MSRB3: variants seen among roughly 807,000 people sequenced by gnomAD.
The protein encoded by MSRB3 is methionine sulfoxide reductase B3.
MSRB3 carries 13 observed loss-of-function variants against 21.0 expected under a neutral mutation model. The observed-to-expected ratio is 0.62, with a 90% CI of 0.40 to 0.98. The LOEUF (loss-of-function observed/expected upper bound fraction) is 0.98, where lower values mean the gene tolerates loss of function less well. MSRB3 is among the 50% of genes least tolerant of loss of function. MSRB3 has a pLI of 0.00. For synonymous variants in MSRB3, 87 were observed against 88.6 expected (o/e 0.98, Z 0.10); for missense variants, 199 against 230.3 (o/e 0.86, Z 0.88).
At chr12:65,453,653 T>C in intron 5 of MSRB3, 75 bp from the exon 6 acceptor site, 1 of 1,089,088 alleles carries the variant, frequency 9.2e-7, no homozygotes. Flanking sequence ...GCTTAGTATT[T>C]CTTTAAAATG....
chr12:65,392,657 T>C (rs998241184), intron 5 of MSRB3, among the ~76,000 whole-genome samples: 3 of 152,230 alleles, frequency 2.0e-5, no homozygotes, highest in Non-Finnish European at 2.9e-5. Flanking sequence ...ACTCACTTTC[T>C]AAGATCCAGA....
intron 4 of MSRB3, among the ~76,000 whole-genome samples, chr12:65,354,985 G>A (rs1056360088): frequency 1.3e-5 from 2 of 151,778 alleles, no homozygotes; most frequent in African/African-American, 2.4e-5. Flanking sequence ...AATAGGAGGG[G>A]AAGTAGATTC....
At position 65,441,924 on chromosome 12, in the gene MSRB3, C is replaced by A. The variant is rs535205633; in HGVS notation, c.293-11804C>A. ...GGCAAAACACCATTTGTCATATAAA[C>A]AATTCTAAGTAATTATTTTGTCCTA... On this transcript the variant is annotated intron_variant, in intron 5 of 6. Coordinates refer to ENST00000308259, the MANE Select transcript of MSRB3 (RefSeq NM_001031679.3). 7.2e-5 allele frequency among the ~76,000 whole-genome samples: 11 copies of A among 152,112 alleles called. No homozygotes were observed. The South Asian group carries it at 2.3e-3, about 32-fold the overall frequency.
At chr12:65,331,902 C>T (rs1455435611) in intron 4 of MSRB3, among the ~76,000 whole-genome samples, 1 of 152,200 alleles carries the variant, frequency 6.6e-6, no homozygotes, top group African/African-American at 2.4e-5. Flanking sequence ...ACTGCATGGG[C>T]TGTGGGATCT....
In MSRB3 at chr12:65,278,717, G is replaced by GGGGA. The variant is rs1565810725; in HGVS notation, c.-190_-187dup. ...GCCGCCCCGTCCGTCGCCCGGAGCC[G>GGGGA]GGGAGGGAGGGAGCGAGGTTCGGAC... On this transcript the variant is annotated 5_prime_UTR_variant, in exon 1 of 7. The change abolishes the stop of an existing upstream ORF in the 5' untranslated region. Coordinates refer to ENST00000308259, the MANE Select transcript of MSRB3 (RefSeq NM_001031679.3). 6.7e-7 allele frequency: 1 copy of GGGGA among 1,499,852 alleles called. No homozygotes were observed. The highest frequency in any genetic ancestry group is 1.2e-5 in the South Asian group (1 of 83,866). 92.9% of individuals were successfully genotyped at this position (1,499,852 alleles called of 1,614,324 possible).
At chr12:65,366,646 G>T (rs1386043494) in intron 4 of MSRB3, among the ~76,000 whole-genome samples, 1 of 152,218 alleles carries the variant, frequency 6.6e-6, no homozygotes, top group Non-Finnish European at 1.5e-5. Context: ...TATTGGGGGT[G>T]CAGAAGAAAT....
In MSRB3 at chr12:65,314,896, T is replaced by C. The variant is rs1317479880; in HGVS notation, c.76+6241T>C. On this transcript the variant is annotated intron_variant, in intron 2 of 6. Transcript: ENST00000308259. ...CAATATGCACTTTGGAGGAATCATATAGGCAATTAGATGCTTATTTATCTA... is the reference window on the plus strand; with the variant it reads ...CAATATGCACTTTGGAGGAATCATACAGGCAATTAGATGCTTATTTATCTA... 3.3e-5 allele frequency among the ~76,000 whole-genome samples: 5 copies of C among 152,318 alleles called. No homozygotes were observed. In the East Asian group the frequency reaches 7.7e-4, roughly 23 times the overall value.
At chr12:65,384,171 T>G (rs1879092786) in intron 5 of MSRB3, among the ~76,000 whole-genome samples, 1 of 152,208 alleles carries the variant, frequency 6.6e-6, no homozygotes, top group African/African-American at 2.4e-5. Flanking sequence ...TCAAAGGACA[T>G]TATATCTTTT....
In MSRB3 at chr12:65,390,363, C is replaced by T. The variant is rs148995933; in HGVS notation, c.292+21337C>T. On this transcript the variant is annotated intron_variant, in intron 5 of 6. Transcript: ENST00000308259. Reference sequence around the variant, plus strand: ...CAGTACACTACGCTGTTTGTATTTTCTTTTATTCATAGGAATAACCTAATA... The same window carrying T: ...CAGTACACTACGCTGTTTGTATTTTTTTTTATTCATAGGAATAACCTAATA... 2.0e-5 allele frequency among the ~76,000 whole-genome samples: 3 copies of T among 152,082 alleles called. No individual in the cohort carries two copies. In the East Asian group the frequency reaches 5.8e-4, roughly 29 times the overall value.
At position 65,405,905 on chromosome 12, in the gene MSRB3, C is replaced by A. The variant is rs143354052; in HGVS notation, c.292+36879C>A. Among the ~76,000 whole-genome samples, 322 of 152,042 alleles carry A rather than the reference C, an allele frequency of 2.1e-3. 1 individual carries two copies. The highest frequency in any genetic ancestry group is 7.6e-3 in the African/African-American group (315 of 41,474). On this transcript the variant is annotated intron_variant, in intron 5 of 6. Transcript: ENST00000308259. Reference sequence around the variant, plus strand: ...ACATTTGAGAAATATCTATTCATGTCTTTTGCTCATTTTTAAATTGGGTTA... The same window carrying A: ...ACATTTGAGAAATATCTATTCATGTATTTTGCTCATTTTTAAATTGGGTTA...
At chr12:65,331,641 C>T (rs957561575) in intron 4 of MSRB3, among the ~76,000 whole-genome samples, 3 of 152,246 alleles carry the variant, frequency 2.0e-5, no homozygotes, top group South Asian at 4.1e-4. Context: ...CCAGGGGAAG[C>T]TGCTAGCCGC....
intron 6 of MSRB3, among the ~76,000 whole-genome samples, chr12:65,456,932 CTCTG>C (rs1337062151): frequency 2.0e-5 from 3 of 152,102 alleles, no homozygotes; most frequent in Non-Finnish European, 2.9e-5. Flanking sequence ...ATTTCAATTT[CTCTG>C]TCTTTTATTT....
intron 4 of MSRB3, among the ~76,000 whole-genome samples, chr12:65,338,011 A>G (rs576717108): frequency 6.6e-6 from 1 of 152,278 alleles, no homozygotes; most frequent in South Asian, 2.1e-4. Context: ...CGGGCATTGG[A>G]TTTTGCAAAT....
intron 5 of MSRB3, chr12:65,419,747 C>CTT (rs1881179748): frequency 9.8e-7 from 1 of 1,023,570 alleles, no homozygotes; most frequent in African/African-American, 1.6e-5. Flanking sequence ...AGGTAGTAGG[C>CTT]CAGGCGGTCT....
intron 5 of MSRB3, among the ~76,000 whole-genome samples, chr12:65,399,255 CTTTG>C (rs1879985105): frequency 6.6e-6 from 1 of 152,054 alleles, no homozygotes; most frequent in South Asian, 2.1e-4. Flanking sequence ...ATGTTTTTCC[CTTTG>C]TTTGTGTCCT....
chr12:65,400,068 T>A (rs980963412), intron 5 of MSRB3, among the ~76,000 whole-genome samples: 1 of 152,174 alleles, frequency 6.6e-6, no homozygotes, highest in African/African-American at 2.4e-5. Flanking sequence ...ATTTTCTTTT[T>A]TTGTTGTGTC....
At chr12:65,394,890 C>T (rs1485861584) in intron 5 of MSRB3, among the ~76,000 whole-genome samples, 3 of 152,056 alleles carry the variant, frequency 2.0e-5, no homozygotes, top group Non-Finnish European at 4.4e-5. Context: ...ACACACTCAA[C>T]AAACTAGGAA....
At chr12:65,295,213 G>C (rs1872891130) in intron 1 of MSRB3, among the ~76,000 whole-genome samples, 1 of 152,118 alleles carries the variant, frequency 6.6e-6, no homozygotes, top group Non-Finnish European at 1.5e-5. Context: ...ACATCATTGA[G>C]CCTTACCTAA....
chr12:65,278,978 C>G, intron 1 of MSRB3, 113 bp downstream of exon 1: 2 of 1,494,458 alleles, frequency 1.3e-6, no homozygotes, highest in South Asian at 1.3e-5. Flanking sequence ...GCTGCGCCCC[C>G]TCGGCCACCT....
Sources: allele counts gnomAD v4.1 joint callset (sites outside exome capture counted in the v4.1 genomes callset), GRCh38; gene constraint gnomAD v4.1.1; transcripts MANE v1.5; gene names NCBI Gene and HGNC (gene_info 2026-07-23, HGNC 2026-07-21).